The following DCT variants were observed in gnomAD, a reference collection of about 807,000 sequenced individuals.
The protein encoded by DCT is dopachrome tautomerase, also known as L-dopachrome tautomerase.
A neutral mutation model predicts 53.0 loss-of-function variants in DCT; 47 were observed. The observed-to-expected ratio is 0.89, with a 90% CI of 0.70 to 1.13. The LOEUF is 1.13. Ranked by LOEUF, DCT falls within the 50% of genes most tolerant of loss-of-function variation. The probability of loss-of-function intolerance (pLI) is 0.00; values close to 1 mark genes in which losing one functional copy is unlikely to be tolerated. For synonymous variants in DCT, 244 were observed against 237.0 expected (o/e 1.03, Z -0.27); for missense variants, 669 against 637.4 (o/e 1.05, Z -0.53).
intron 1 of DCT, 142 bp from the exon 2 acceptor site, chr13:94,469,187 G>T: frequency 1.5e-6 from 1 of 674,866 alleles, no homozygotes; most frequent in South Asian, 1.9e-5. Context: ...TTCCTCCCAT[G>T]GTCTCCTCTT....
At chr13:94,529,289 C>T in the DCT span, among the ~76,000 whole-genome samples, 43 of 152,260 alleles carry the variant, frequency 2.8e-4, no homozygotes, top group East Asian at 7.9e-3. Flanking sequence ...ACCAAGTGGA[C>T]CTAATAAACA....
At chr13:94,471,465 G>A (rs1884641965) in intron 1 of DCT, among the ~76,000 whole-genome samples, 1 of 152,136 alleles carries the variant, frequency 6.6e-6, no homozygotes, top group Non-Finnish European at 1.5e-5. Context: ...ACATTAAAAT[G>A]TACATTGATT....
At chr13:94,548,320 T>A in the DCT span, among the ~76,000 whole-genome samples, 1 of 152,004 alleles carries the variant, frequency 6.6e-6, no homozygotes, top group East Asian at 1.9e-4. Flanking sequence ...AATGTCCAAT[T>A]AGAGAATGAA....
chr13:94,509,409 C>T, the DCT span, among the ~76,000 whole-genome samples: 1 of 151,440 alleles, frequency 6.6e-6, no homozygotes, highest in Non-Finnish European at 1.5e-5. Flanking sequence ...CATCTCCCCC[C>T]ACACCATCAC....
At chr13:94,480,194 T>A (rs565122261), upstream of DCT, among the ~76,000 whole-genome samples, 2 of 152,342 alleles carry the variant, frequency 1.3e-5, no homozygotes, top group African/African-American at 2.4e-5. Context: ...AATTTTTTTT[T>A]AATTACATGA....
chr13:94,460,763 A>G (rs757191307), intron 5 of DCT, among the ~76,000 whole-genome samples: 2 of 152,130 alleles, frequency 1.3e-5, no homozygotes, highest in African/African-American at 2.4e-5. Flanking sequence ...CTGGCTCTAA[A>G]AAAAAGAAAA....
chr13:94,468,818 G>A lies in DCT; in HGVS notation c.523C>T (p.Gln175Ter), dbSNP rs145067828. Residue 175 changes from glutamine (Q) to a stop codon, truncating the protein, a stop_gained, in exon 2 of 8, where the codon CAG becomes TAG. Coordinates refer to ENST00000377028, the MANE Select transcript of DCT (RefSeq NM_001922.5). LOFTEE classifies it high-confidence loss of function. ...TCATAAACACTGCAGTTGGCAAACT[G>A]CGGCTGGGTTCCATTGGGCCCAAGC... ...GLLGPNGTQPQFANCSVYDFF... is the reference protein window; with the variant it reads ...GLLGPNGTQP 73 of 1,614,212 alleles carry A rather than the reference G, an allele frequency of 4.5e-5. No individual in the cohort carries two copies. In the African/African-American group the frequency reaches 8.8e-4, roughly 19 times the overall value.
At chr13:94,481,825 C>T (rs1367583113), upstream of DCT, among the ~76,000 whole-genome samples, 1 of 152,206 alleles carries the variant, frequency 6.6e-6, no homozygotes, top group African/African-American at 2.4e-5. Context: ...CATTGGTCTT[C>T]TCCATCTCCA....
the DCT span, among the ~76,000 whole-genome samples, chr13:94,547,984 A>AAAATATATATATATATAT: frequency 1.5e-5 from 1 of 65,844 alleles, no homozygotes; most frequent in African/African-American, 1.3e-4. Flanking sequence ...AAAAAAAAAA[A>AAAATATATATATATATAT]ATATATATAT....
chr13:94,500,030 T>C, the DCT span, among the ~76,000 whole-genome samples: 4 of 152,172 alleles, frequency 2.6e-5, no homozygotes, highest in African/African-American at 9.7e-5. Flanking sequence ...ACAATTAAGA[T>C]CTATTCTTTG....
chr13:94,545,354 G>T, the DCT span, among the ~76,000 whole-genome samples: 1 of 152,022 alleles, frequency 6.6e-6, no homozygotes, highest in Non-Finnish European at 1.5e-5. Flanking sequence ...AAACAGTCCA[G>T]CAAGCCCGTC....
the DCT span, among the ~76,000 whole-genome samples, chr13:94,544,548 C>T: frequency 3.3e-5 from 5 of 152,224 alleles, no homozygotes; most frequent in Admixed American, 3.3e-4. Context: ...GCTTTATTTG[C>T]AGGGCTGTCT....
chr13:94,514,169 C>T, the DCT span, among the ~76,000 whole-genome samples: 10 of 152,094 alleles, frequency 6.6e-5, no homozygotes, highest in Admixed American at 6.5e-5. Flanking sequence ...ACCTAGCTGC[C>T]TACTGTGCCG....
chr13:94,477,065 T>C (rs180883009), intron 1 of DCT, among the ~76,000 whole-genome samples: 108 of 152,320 alleles, frequency 7.1e-4, no homozygotes, highest in African/African-American at 2.5e-3. Flanking sequence ...AAAATATTAC[T>C]ACAAAATGAT....
chr13:94,511,649 C>T, the DCT span, among the ~76,000 whole-genome samples: 9 of 152,216 alleles, frequency 5.9e-5, no homozygotes, highest in East Asian at 3.9e-4. Context: ...CGTGAGCCAC[C>T]GCATCCGGCC....
chr13:94,503,888 G>T, the DCT span, among the ~76,000 whole-genome samples: 1 of 152,162 alleles, frequency 6.6e-6, no homozygotes, highest in African/African-American at 2.4e-5. Flanking sequence ...TCAAGTGGGG[G>T]TCCTGGCTTT....
At chr13:94,446,437 G>A (rs1451161923) in intron 6 of DCT, among the ~76,000 whole-genome samples, 2 of 152,108 alleles carry the variant, frequency 1.3e-5, no homozygotes, top group Non-Finnish European at 2.9e-5. Context: ...TGAGGAGCTG[G>A]GCATTTAGGA....
chr13:94,504,165 T>C, the DCT span, among the ~76,000 whole-genome samples: 2 of 152,248 alleles, frequency 1.3e-5, no homozygotes, highest in African/African-American at 4.8e-5. Flanking sequence ...TGTGTTTGGC[T>C]AATGTAATTA....
chr13:94,543,846 C>A, the DCT span, among the ~76,000 whole-genome samples: 1 of 152,054 alleles, frequency 6.6e-6, no homozygotes, highest in Non-Finnish European at 1.5e-5. Flanking sequence ...ACCAGCCTGA[C>A]CAACATGGTG....
Sources: allele counts gnomAD v4.1 joint callset (sites outside exome capture counted in the v4.1 genomes callset), GRCh38; gene constraint gnomAD v4.1.1; transcripts MANE v1.5; gene names NCBI Gene and HGNC (gene_info 2026-07-23, HGNC 2026-07-21).